Variants in LPIN2 observed in about 807,000 individuals in gnomAD.
LPIN2 encodes lipin 2.
LPIN2 carries 55 observed loss-of-function variants against 111.4 expected under a neutral mutation model. The observed-to-expected ratio is 0.49, with a 90% confidence interval of 0.40 to 0.62. The LOEUF is 0.62. Ranked by LOEUF, LPIN2 falls within the 20% of genes least tolerant of loss-of-function variation. The pLI, the probability that LPIN2 is intolerant of heterozygous loss-of-function variation, is 0.00. For missense variants in LPIN2, 992 were observed against 1,112.1 expected (o/e 0.89, Z 1.54); for synonymous variants, 425 against 414.0 (o/e 1.03, Z -0.32).
intron 7 of LPIN2, among the ~76,000 whole-genome samples, chr18:2,934,902 G>C (rs1419878557): frequency 1.3e-5 from 2 of 152,190 alleles, no homozygotes; most frequent in Non-Finnish European, 1.5e-5. Flanking sequence ...AACTACAAAA[G>C]GACAAAAAAT....
chr18:2,991,234 G>C (rs1251277565), intron 1 of LPIN2, among the ~76,000 whole-genome samples: 1 of 152,176 alleles, frequency 6.6e-6, no homozygotes, highest in Non-Finnish European at 1.5e-5. Context: ...TTTTGGAGTG[G>C]AGAAGTGGGA....
At chr18:3,000,134 AGGAGG>A (rs2078413151) in intron 1 of LPIN2, among the ~76,000 whole-genome samples, 1 of 150,168 alleles carries the variant, frequency 6.7e-6, no homozygotes, top group African/African-American at 2.4e-5. Context: ...GAGGAGGAGG[AGGAGG>A]AGAAGGAGAA....
At chr18:2,950,611 G>A (rs910239523) in intron 4 of LPIN2, 8 of 229,390 alleles carry the variant, frequency 3.5e-5, no homozygotes, top group South Asian at 6.0e-5. Context: ...AATAAGCAGC[G>A]ATCAAGACTG....
chr18:2,992,930 G>A (rs1390550949), intron 1 of LPIN2, among the ~76,000 whole-genome samples: 2 of 148,144 alleles, frequency 1.4e-5, no homozygotes, highest in African/African-American at 5.0e-5. Context: ...AGCTTGCAGT[G>A]AGCTGAGATA....
At chr18:2,958,160 AC>A (rs1380228818) in intron 2 of LPIN2, among the ~76,000 whole-genome samples, 18,688 of 33,424 alleles carry the variant, frequency 0.56, 7,424 homozygotes, top group Non-Finnish European at 0.67. Context: ...AAAAAAAACA[AC>A]AAAAAAAAAA....
chr18:2,921,826 G>A, intron 17 of LPIN2, 179 bp from the exon 18 acceptor site: 2 of 779,318 alleles, frequency 2.6e-6, no homozygotes, highest in East Asian at 2.7e-5. Context: ...GAAGTTTAGG[G>A]AAGGAGAAAA....
chr18:2,941,637 A>C (rs545648564), intron 4 of LPIN2, among the ~76,000 whole-genome samples: 45 of 152,290 alleles, frequency 3.0e-4, no homozygotes, highest in African/African-American at 9.4e-4. Flanking sequence ...AGCACAAAGA[A>C]AGACTCTGGC....
intron 4 of LPIN2, among the ~76,000 whole-genome samples, chr18:2,949,159 ATACTT>A (rs2077498238): frequency 6.6e-6 from 1 of 152,190 alleles, no homozygotes; most frequent in Admixed American, 6.5e-5. Context: ...AAAAAATCTC[ATACTT>A]TATTCTCCTA....
rs866363224 is a variant in LPIN2 at position 2,949,542 on chromosome 18, G to A, written c.590+1513C>T. ...GAAATCAAAGTGTTACATATTCAGC[G>A]TGGGAGGAGTAAGACAGAACACCAC... is the stretch of plus-strand genomic sequence containing the variant. On this transcript the variant is annotated intron_variant, in intron 4 of 19. Transcript: ENST00000677752. Among the ~76,000 whole-genome samples the A allele has an allele frequency of 1.1e-4, 16 of 152,046 alleles. No individual in the cohort carries two copies. In the South Asian group the frequency reaches 2.1e-3, roughly 20 times the overall value.
chr18:2,933,332 G>T (rs2077239503), intron 8 of LPIN2, among the ~76,000 whole-genome samples: 1 of 152,054 alleles, frequency 6.6e-6, no homozygotes, highest in African/African-American at 2.4e-5. Context: ...ATATACCGAA[G>T]GAATACCAAT....
chr18:2,967,772 CCTTA>C (rs1178893395), intron 1 of LPIN2: 1 of 152,212 alleles, frequency 6.6e-6, no homozygotes, highest in Non-Finnish European at 1.5e-5. Flanking sequence ...CAAGCAAATG[CCTTA>C]CTTTGTACTT....
intron 1 of LPIN2, among the ~76,000 whole-genome samples, chr18:2,992,389 T>C (rs76554879): frequency 0.029 from 4,381 of 152,202 alleles, 194 homozygotes; most frequent in African/African-American, 0.1. Context: ...AAAGGTAGAT[T>C]AGAGGTTACC....
At chr18:2,999,783 A>G (rs915628629) in intron 1 of LPIN2, among the ~76,000 whole-genome samples, 2 of 152,180 alleles carry the variant, frequency 1.3e-5, no homozygotes, top group African/African-American at 4.8e-5. Flanking sequence ...ACATCCAAGA[A>G]TGAGAAAGCG....
chr18:2,961,959 C>T (rs917078806), intron 1 of LPIN2, among the ~76,000 whole-genome samples: 2 of 152,206 alleles, frequency 1.3e-5, no homozygotes, highest in African/African-American at 4.8e-5. Context: ...AGCTTGGAGG[C>T]TGCCTTGAGC....
In LPIN2 at chr18:2,938,008, A is replaced by G; in HGVS notation, c.852T>C (p.His284=). 6.2e-7 allele frequency: 1 copy of G among 1,614,108 alleles called. No individual in the cohort carries two copies. The highest frequency in any genetic ancestry group is 8.5e-7 in the Non-Finnish European group (1 of 1,180,020). ...ATGGTGTAATTGTAGCTGTCCTAGG[A>G]TGATGGTCAGATCGTTCTCTTTTGC... is the stretch of plus-strand genomic sequence containing the variant. The part of the protein sequence containing the change: ...KVSKRERSDH[H]PRTATITPSE... Residue 284 remains histidine (H), a synonymous_variant, in exon 7 of 20, where the codon CAT becomes CAC. Transcript: ENST00000677752.
At chr18:2,927,631 C>T (rs2077153416) in intron 12 of LPIN2, 91 bp downstream of exon 12, 1 of 1,414,422 alleles carries the variant, frequency 7.1e-7, no homozygotes, top group Admixed American at 1.7e-5. Flanking sequence ...CTATACAGTC[C>T]AAATTCCTGT....
At chr18:3,005,780 C>T (rs2078506230) in intron 1 of LPIN2, among the ~76,000 whole-genome samples, 1 of 152,084 alleles carries the variant, frequency 6.6e-6, no homozygotes, top group South Asian at 2.1e-4. Flanking sequence ...AATCCCAGCA[C>T]TTTGGGAGGT....
intron 1 of LPIN2, among the ~76,000 whole-genome samples, chr18:2,963,158 G>A (rs1313615300): frequency 6.6e-6 from 1 of 152,194 alleles, no homozygotes; most frequent in Non-Finnish European, 1.5e-5. Flanking sequence ...AGTAAAGGGA[G>A]GCCTGTAGCT....
intron 1 of LPIN2, among the ~76,000 whole-genome samples, chr18:3,010,944 G>A (rs927043600): frequency 3.9e-5 from 6 of 152,176 alleles, no homozygotes; most frequent in African/African-American, 1.4e-4. Context: ...GGGAAGGTAA[G>A]TGAGCTCACT....
Sources: gnomAD v4.1 joint callset for allele counts (sites outside exome capture counted in the v4.1 genomes callset) on GRCh38, gnomAD v4.1.1 for gene constraint, MANE v1.5 for transcripts, NCBI Gene and HGNC (gene_info 2026-07-23, HGNC 2026-07-21) for gene names.